The following ROR1 variants were observed in gnomAD, a reference collection of about 807,000 sequenced individuals.
ROR1 encodes ROR family WNT receptor 1, also known as inactive tyrosine-protein kinase transmembrane receptor ROR1.
A neutral mutation model predicts 78.8 loss-of-function variants in ROR1; 19 were observed. The observed-to-expected ratio is 0.24, with a 90% confidence interval of 0.17 to 0.35. ROR1 has a LOEUF of 0.35. ROR1 is among the 10% of genes least tolerant of loss of function. ROR1 has a pLI of 1.00. For missense variants in ROR1, 917 were observed against 1,177.8 expected (o/e 0.78, Z 3.24); for synonymous variants, 386 against 433.6 (o/e 0.89, Z 1.36).
intron 1 of ROR1, among the ~76,000 whole-genome samples, chr1:63,886,496 C>T (rs903321499): frequency 5.3e-5 from 8 of 152,066 alleles, no homozygotes; most frequent in Non-Finnish European, 8.8e-5. Flanking sequence ...CTGTGGCACC[C>T]GGTAATTTAT....
chr1:63,946,858 A>T (rs2100464378), intron 1 of ROR1, among the ~76,000 whole-genome samples: 1 of 152,312 alleles, frequency 6.6e-6, no homozygotes, highest in Non-Finnish European at 1.5e-5. Flanking sequence ...TCAAGGGTTG[A>T]GGTGGTGGAT....
At position 64,159,178 on chromosome 1, in the gene ROR1, G is replaced by A; in HGVS notation, c.1372G>A (p.Ala458Thr). 2 of 1,613,566 alleles carry A rather than the reference G, an allele frequency of 1.2e-6. No individual in the cohort carries two copies. The highest frequency in any genetic ancestry group is 1.7e-6 in the Non-Finnish European group (2 of 1,179,492). ...AAATGTAGAGATGTCAATGCTGAATGCATATAAACCCAAGGTAATGTTAGC... is the reference window on the plus strand; with the variant it reads ...AAATGTAGAGATGTCAATGCTGAATACATATAAACCCAAGGTAATGTTAGC... ...GQNVEMSMLN[A>T]YKPKSKAKEL... is the part of the protein sequence containing the mutation. The change falls in exon 8 of 9, where the codon GCA (alanine) becomes ACA (threonine). Residue 458 changes from alanine to threonine, a missense_variant. Physicochemically the swap from Ala to Thr is moderately conservative, Grantham distance 58. This residue lies in a region of ROR1 where 835 missense variants were observed against 1,069.8 expected (regional missense o/e 0.78). Coordinates refer to ENST00000371079, the MANE Select transcript of ROR1 (RefSeq NM_005012.4).
intron 1 of ROR1, among the ~76,000 whole-genome samples, chr1:63,925,122 C>T (rs1645690805): frequency 6.7e-6 from 1 of 150,144 alleles, no homozygotes; most frequent in Non-Finnish European, 1.5e-5. Flanking sequence ...ACTAACTCAT[C>T]ATCTAGCATT....
rs1648756567 is a variant in ROR1, at chr1:64,127,543, CTT to C, written c.483-9824_483-9823del. On this transcript the variant is annotated intron_variant, in intron 4 of 8. Coordinates refer to ENST00000371079, the MANE Select transcript of ROR1 (RefSeq NM_005012.4). ...CTCTGTCTCTCTCTCCTCTTTCTCT[CTT>C]TGTCTTTCCGCTGTGTGTGTCTGTC... is the stretch of plus-strand genomic sequence containing the variant. Among the ~76,000 whole-genome samples, 3 of 151,702 alleles carry C rather than the reference CTT, an allele frequency of 2.0e-5. No homozygotes were observed. In the South Asian group the frequency reaches 6.3e-4, roughly 32 times the overall value.
intron 1 of ROR1, among the ~76,000 whole-genome samples, chr1:63,991,626 G>A (rs1385974313): frequency 1.3e-5 from 2 of 152,256 alleles, no homozygotes; most frequent in Non-Finnish European, 2.9e-5. Flanking sequence ...TTGTCTTCCA[G>A]GTCTAATTTG....
At chr1:64,081,674 G>C (rs530022991) in intron 4 of ROR1, among the ~76,000 whole-genome samples, 18 of 149,986 alleles carry the variant, frequency 1.2e-4, no homozygotes, top group African/African-American at 4.4e-4. Context: ...AGCAGGTTGA[G>C]ATGGGGGGAT....
chr1:63,788,791 C>G, intron 1 of ROR1: 1 of 586,012 alleles, frequency 1.7e-6, no homozygotes, highest in Non-Finnish European at 3.3e-6. Context: ...CTCTTTATGG[C>G]GCTTGCATGC....
At chr1:64,171,451 T>C (rs1304448560) in intron 8 of ROR1, among the ~76,000 whole-genome samples, 1 of 152,138 alleles carries the variant, frequency 6.6e-6, no homozygotes, top group East Asian at 1.9e-4. Flanking sequence ...AGATGAGATG[T>C]GAGTGGGGAC....
chr1:64,172,914 A>C (rs538283467), intron 8 of ROR1, among the ~76,000 whole-genome samples: 7 of 152,222 alleles, frequency 4.6e-5, no homozygotes, highest in South Asian at 2.1e-4. Context: ...AAGGGTTTGT[A>C]TAATGTAAAC....
intron 1 of ROR1, among the ~76,000 whole-genome samples, chr1:63,952,116 G>A (rs1186086798): frequency 6.6e-6 from 1 of 152,184 alleles, no homozygotes; most frequent in Non-Finnish European, 1.5e-5. Context: ...TAGGGTTAGG[G>A]TACGATGGGG....
rs3084938 is a variant in ROR1, at chr1:64,118,632, C to CAA, written c.483-18709_483-18708dup. Among the ~76,000 whole-genome samples, 430 of 65,780 alleles carry CAA rather than the reference C, an allele frequency of 6.5e-3. 26 individuals carry two copies. The highest frequency in any genetic ancestry group is 0.02 in the African/African-American group (359 of 17,678). 43.2% of individuals were successfully genotyped at this position (65,780 alleles called of 152,430 possible). ...TGAGCTACAGAGCGAGACTCCATCTCAAAAAAAAAAAAAAAAAAAAAAAAA... is the reference window on the plus strand; with the variant it reads ...TGAGCTACAGAGCGAGACTCCATCTCAAAAAAAAAAAAAAAAAAAAAAAAAAA... On this transcript the variant is annotated intron_variant, in intron 4 of 8. Coordinates refer to ENST00000371079, the MANE Select transcript of ROR1 (RefSeq NM_005012.4).
chr1:63,942,900 G>A (rs855936), intron 1 of ROR1, among the ~76,000 whole-genome samples: 101,582 of 151,828 alleles, frequency 0.67, 38,001 homozygotes, highest in East Asian at 0.94. Flanking sequence ...GAGCAGCCTG[G>A]GCAATACAGT....
intron 4 of ROR1, among the ~76,000 whole-genome samples, chr1:64,067,315 C>A (rs989968528): frequency 6.6e-6 from 1 of 151,490 alleles, no homozygotes; most frequent in Admixed American, 6.6e-5. Context: ...CTACTGTACT[C>A]CAGCCTGGGC....
chr1:63,968,715 A>G (rs554911234), intron 1 of ROR1, among the ~76,000 whole-genome samples: 2 of 152,258 alleles, frequency 1.3e-5, no homozygotes, highest in East Asian at 1.9e-4. Context: ...GGTCCTAACT[A>G]TAGCATCTGT....
chr1:63,932,629 A>G (rs1263375140), intron 1 of ROR1, among the ~76,000 whole-genome samples: 1 of 152,094 alleles, frequency 6.6e-6, no homozygotes, highest in Admixed American at 6.5e-5. Flanking sequence ...ACCTTACCTG[A>G]TTCTCAGATG....
intron 6 of ROR1, 95 bp downstream of exon 6, chr1:64,140,521 C>T: frequency 8.7e-7 from 1 of 1,150,584 alleles, no homozygotes; most frequent in East Asian, 2.4e-5. Flanking sequence ...GATTTTCATA[C>T]TGTTAATCAA....
At chr1:63,882,913 A>C (rs954935233) in intron 1 of ROR1, among the ~76,000 whole-genome samples, 1 of 151,604 alleles carries the variant, frequency 6.6e-6, no homozygotes, top group African/African-American at 2.4e-5. Context: ...TACTAAACCC[A>C]GAAAGAGAAA....
intron 8 of ROR1, among the ~76,000 whole-genome samples, chr1:64,168,374 CAT>C (rs1650144923): frequency 6.6e-6 from 1 of 152,138 alleles, no homozygotes; most frequent in African/African-American, 2.4e-5. Context: ...TTCAAAAAAT[CAT>C]AGCCATTATT....
chr1:63,849,552 G>C (rs1645101121), intron 1 of ROR1, among the ~76,000 whole-genome samples: 1 of 152,062 alleles, frequency 6.6e-6, no homozygotes, highest in East Asian at 1.9e-4. Flanking sequence ...AAAAAAAGTT[G>C]GCGGGGTGTG....
Sources: allele counts gnomAD v4.1 joint callset (sites outside exome capture counted in the v4.1 genomes callset), GRCh38; gene constraint gnomAD v4.1.1; regional missense constraint gnomAD v4.1.1; transcripts MANE v1.5; gene names NCBI Gene and HGNC (gene_info 2026-07-23, HGNC 2026-07-21).